PARD3: variants seen among roughly 807,000 people sequenced by gnomAD.
PARD3 encodes the protein par-3 family cell polarity regulator, also known as partitioning defective 3 homolog.
In PARD3, 75 loss-of-function variants were observed where a neutral mutation model predicts 155.4. The observed-to-expected ratio is 0.48, with a 90% CI of 0.40 to 0.58. The LOEUF is 0.58. Ranked by LOEUF, PARD3 falls within the 20% of genes least tolerant of loss-of-function variation. The probability of loss-of-function intolerance (pLI) is 0.00; values close to 1 mark genes in which losing one functional copy is unlikely to be tolerated. For synonymous variants in PARD3, 576 were observed against 610.5 expected (o/e 0.94, Z 0.83); for missense variants, 1,642 against 1,721.7 (o/e 0.95, Z 0.82).
At chr10:34,299,073 G>T (rs1210246025) in intron 20 of PARD3, among the ~76,000 whole-genome samples, 1 of 152,196 alleles carries the variant, frequency 6.6e-6, no homozygotes, top group Non-Finnish European at 1.5e-5. Flanking sequence ...CCCATCTTCA[G>T]ATCAATACCT....
Position 34,561,499 on chromosome 10 carries a change from C to T in PARD3, c.223-44340G>A, listed in dbSNP as rs58861495. ...CAACAGATGTCTTAGGAAGCTGTAA[C>T]GCACATTTATTTTTTTTTAATTTAT... On this transcript the variant is annotated intron_variant, in intron 2 of 24. Coordinates refer to ENST00000374788, the MANE Select transcript of PARD3 (RefSeq NM_001184785.2). 9.1e-3 allele frequency among the ~76,000 whole-genome samples: 1,389 copies of T among 152,050 alleles called. 13 individuals are homozygous for T. Among genetic ancestry groups the T allele is most frequent in the African/African-American group, 0.032 (1,313 of 41,478 alleles).
rs759414649 is a variant in PARD3 at position 34,269,908 on chromosome 10, T to C, written c.3177-9A>G. 30 of 1,612,440 alleles carry C rather than the reference T, an allele frequency of 1.9e-5. No homozygotes were observed. Among genetic ancestry groups the C allele is most frequent in the Non-Finnish European group, 2.5e-5 (30 of 1,179,230 alleles). Reference sequence around the variant, plus strand: ...GAGTTTTGGCTTGAATCCTATGAAATCAGAACAAAGTTGAAATAAGAGAAA... The same window carrying C: ...GAGTTTTGGCTTGAATCCTATGAAACCAGAACAAAGTTGAAATAAGAGAAA... On this transcript the variant is annotated splice_polypyrimidine_tract_variant and intron_variant, in intron 21 of 24. Coordinates refer to ENST00000374788, the MANE Select transcript of PARD3 (RefSeq NM_001184785.2).
intron 16 of PARD3, among the ~76,000 whole-genome samples, chr10:34,339,851 G>A (rs865862396): frequency 4.6e-5 from 7 of 152,058 alleles, no homozygotes; most frequent in East Asian, 1.9e-4. Context: ...CACAATAAAC[G>A]GTACACTGGA....
At position 34,708,079 on chromosome 10, in the gene PARD3, T is replaced by C. The variant is rs550031800; in HGVS notation, c.121-11660A>G. Among the ~76,000 whole-genome samples the C allele has an allele frequency of 3.3e-5, 5 of 152,344 alleles. No individual in the cohort carries two copies. In the South Asian group the frequency reaches 8.3e-4, roughly 25 times the overall value. On this transcript the variant is annotated intron_variant, in intron 1 of 24. Transcript: ENST00000374788. ...ACCAACTTCCTGCCTTCTTCATTCC[T>C]ACTGATAGCAGCATCCTCCTGATTG...
intron 22 of PARD3, among the ~76,000 whole-genome samples, chr10:34,141,862 C>T (rs1948204925): frequency 1.3e-5 from 2 of 152,148 alleles, no homozygotes; most frequent in African/African-American, 4.8e-5. Flanking sequence ...AAAAATGATC[C>T]AAGCTGGTCT....
At chr10:34,113,542 C>T (rs370541055) in intron 24 of PARD3, among the ~76,000 whole-genome samples, 6 of 151,822 alleles carry the variant, frequency 4.0e-5, no homozygotes, top group South Asian at 2.1e-4. Flanking sequence ...CACACACATG[C>T]GCACACACAC....
At chr10:34,681,754 ATATATATATATATATTTTTT>A (rs2093835882) in intron 2 of PARD3, among the ~76,000 whole-genome samples, 9 of 18,986 alleles carry the variant, frequency 4.7e-4, no homozygotes, top group African/African-American at 9.3e-4. Flanking sequence ...ATATATATAT[ATATATATATATATATTTTTT>A]TTTTTTTTTT....
intron 20 of PARD3, among the ~76,000 whole-genome samples, chr10:34,303,498 A>G (rs1350706313): frequency 6.6e-6 from 1 of 152,012 alleles, no homozygotes; most frequent in African/African-American, 2.4e-5. Context: ...TATTTTTACT[A>G]CTATAAAAGG....
intron 1 of PARD3, among the ~76,000 whole-genome samples, chr10:34,741,067 C>G (rs2095001887): frequency 6.6e-6 from 1 of 151,828 alleles, no homozygotes; most frequent in South Asian, 2.1e-4. Flanking sequence ...GGTGAACAGA[C>G]CAACAGGCTA....
At chr10:34,174,230 A>G (rs1252840152) in intron 22 of PARD3, among the ~76,000 whole-genome samples, 1 of 152,236 alleles carries the variant, frequency 6.6e-6, no homozygotes, top group Non-Finnish European at 1.5e-5. Flanking sequence ...AGATACTACC[A>G]TCATAAATTC....
intron 20 of PARD3, among the ~76,000 whole-genome samples, chr10:34,309,943 T>C (rs1210306917): frequency 1.3e-5 from 2 of 149,494 alleles, no homozygotes; most frequent in Admixed American, 6.7e-5. Flanking sequence ...ATAGGAGACC[T>C]GGTTATTTCA....
At chr10:34,798,598 A>G (rs11009943) in intron 1 of PARD3, among the ~76,000 whole-genome samples, 53,016 of 150,658 alleles carry the variant, frequency 0.35, 10,483 homozygotes, top group African/African-American at 0.55. Flanking sequence ...CGAGCCGCTC[A>G]GGAAGCTGAG....
intron 15 of PARD3, chr10:34,346,479 A>T: frequency 8.9e-6 from 12 of 1,345,930 alleles, no homozygotes; most frequent in Non-Finnish European, 1.2e-5. Context: ...ACAGCATATC[A>T]CTTTGTGTGC....
intron 1 of PARD3, among the ~76,000 whole-genome samples, chr10:34,772,314 G>A (rs1186037287): frequency 6.6e-6 from 1 of 151,818 alleles, no homozygotes; most frequent in East Asian, 1.9e-4. Context: ...TTCAGCCTGG[G>A]TGACAGAGCA....
chr10:34,198,119 C>T (rs1951036797), intron 22 of PARD3, among the ~76,000 whole-genome samples: 1 of 152,220 alleles, frequency 6.6e-6, no homozygotes, highest in Admixed American at 6.5e-5. Context: ...ACAATGATAA[C>T]AGCAAGATTC....
chr10:34,594,594 G>A (rs2089067098), intron 2 of PARD3, among the ~76,000 whole-genome samples: 1 of 152,174 alleles, frequency 6.6e-6, no homozygotes, highest in Admixed American at 6.5e-5. Context: ...GAAGGTAGAG[G>A]AGGACGACAA....
intron 22 of PARD3, among the ~76,000 whole-genome samples, chr10:34,142,793 C>T (rs1285018556): frequency 5.9e-5 from 9 of 152,138 alleles, no homozygotes; most frequent in East Asian, 5.8e-4. Context: ...ATGGCAAGGA[C>T]GTGTAAGGGA....
chr10:34,509,409 A>G (rs539244691), intron 3 of PARD3, among the ~76,000 whole-genome samples: 2 of 152,176 alleles, frequency 1.3e-5, no homozygotes, highest in East Asian at 3.9e-4. Context: ...ACAGCCCCAA[A>G]GCCAGTATGT....
chr10:34,773,395 G>A (rs1191613706), intron 1 of PARD3, among the ~76,000 whole-genome samples: 1 of 152,108 alleles, frequency 6.6e-6, no homozygotes, highest in Non-Finnish European at 1.5e-5. Flanking sequence ...TTGAACTTCT[G>A]AAGCTATTCT....
Sources: allele counts gnomAD v4.1 joint callset (sites outside exome capture counted in the v4.1 genomes callset), GRCh38; gene constraint gnomAD v4.1.1; transcripts MANE v1.5; gene names NCBI Gene and HGNC (gene_info 2026-07-23, HGNC 2026-07-21).